PROKR2: variants seen among roughly 807,000 people sequenced by gnomAD.
PROKR2 encodes the protein G protein-coupled receptor 73-like 1.
Under a neutral mutation model 23.4 loss-of-function variants are expected in PROKR2, and 26 were observed. The ratio of observed to expected loss-of-function variants is 1.11; its 90% CI spans 0.81 to 1.54. The LOEUF (loss-of-function observed/expected upper bound fraction) is 1.54. Among genes scored for constraint, PROKR2 ranks in the 40% most tolerant of loss-of-function variants. The probability of loss-of-function intolerance (pLI) is 0.00; values close to 1 mark genes in which losing one functional copy is unlikely to be tolerated. For synonymous variants in PROKR2, 212 were observed against 201.2 expected, an observed-to-expected ratio of 1.05 and a Z score of -0.45; for missense variants, 453 against 511.5, an observed-to-expected ratio of 0.89 and a Z score of 1.10.
rs552712310 is a variant in PROKR2, at chr20:5,299,324, C to G, written c.*2716G>C. Among the ~76,000 whole-genome samples, 1 of 151,986 alleles carries G rather than the reference C, an allele frequency of 6.6e-6. No individual in the cohort carries two copies. The highest frequency in any genetic ancestry group is 2.4e-5 in the African/African-American group (1 of 41,388). On this transcript the variant is annotated 3_prime_UTR_variant, in exon 3 of 3. Transcript: ENST00000678254. ...TACAAAAGTTTTTTCAGTTAAATTT[C>G]AATGAAAGGAAGTTGGTATATTCTA...
Position 5,301,945 on chromosome 20 carries a change from CAG to C in PROKR2, c.*93_*94del. On this transcript the variant is annotated 3_prime_UTR_variant, in exon 3 of 3. Transcript: ENST00000678254. Reference sequence around the variant, plus strand: ...TGAGGGCACGGGGGAGGCATGAACACAGATGTCATTTCCCATGCAGCCTATGA... The same window carrying C: ...TGAGGGCACGGGGGAGGCATGAACACATGTCATTTCCCATGCAGCCTATGA... 8.6e-7 allele frequency: 1 copy of C among 1,167,392 alleles called. No individual in the cohort carries two copies. Among genetic ancestry groups the C allele is most frequent in the Admixed American group, 2.0e-5 (1 of 51,052 alleles). The allele number at this position is 1,167,392 out of a possible 1,614,324, so 72.3% of individuals were successfully genotyped here.
At chr20:5,303,734 T>C (rs10485485) in intron 2 of PROKR2, among the ~76,000 whole-genome samples, 16,228 of 151,992 alleles carry the variant, frequency 0.11, 958 homozygotes, top group Non-Finnish European at 0.12. Flanking sequence ...ATATGGTAGA[T>C]GAAGATAAGA....
chr20:5,306,662 A>G (rs1223113369), intron 2 of PROKR2, among the ~76,000 whole-genome samples: 2 of 152,248 alleles, frequency 1.3e-5, no homozygotes, highest in African/African-American at 2.4e-5. Flanking sequence ...TGATATGCCT[A>G]TTAATGTGAT....
Position 5,302,392 on chromosome 20 carries a change from C to T in PROKR2, c.803G>A (p.Arg268His), listed in dbSNP as rs781065670. 7.6e-5 allele frequency: 123 copies of T among 1,614,096 alleles called. No individual in the cohort carries two copies. Among genetic ancestry groups the T allele is most frequent in the South Asian group, 3.1e-4 (28 of 91,084 alleles). The change falls in exon 3 of 3, where the codon CGC (arginine) becomes CAC (histidine). Residue 268 changes from arginine (R) to histidine (H), a missense_variant. Transcript: ENST00000678254. ...CACCAGGACCGTCTTCCTGCGGCAG[C>T]GCAGCCGCTTGCGAATCTGCTCCGT... is the stretch of plus-strand genomic sequence containing the variant. ...FQTEQIRKRL[R>H]CRRKTVLVLM...
At chr20:5,305,615 C>A (rs994714512) in intron 2 of PROKR2, among the ~76,000 whole-genome samples, 1 of 152,018 alleles carries the variant, frequency 6.6e-6, no homozygotes, top group Non-Finnish European at 1.5e-5. Context: ...CACAAATAAA[C>A]AAGGCAAAGC....
Position 5,314,143 on chromosome 20 carries a change from G to A in PROKR2, c.227C>T (p.Ala76Val). The change falls in exon 2 of 3, where the codon GCT (alanine) becomes GTT (valine). Residue 76 changes from alanine (A) to valine (V), a missense_variant. Coordinates refer to ENST00000678254, the MANE Select transcript of PROKR2 (RefSeq NM_144773.4). ...CAACTTCTTATAGCGGGTGAGGGCAGCGATAAAGACAAAGTTACCGATGCC... is the reference window on the plus strand; with the variant it reads ...CAACTTCTTATAGCGGGTGAGGGCAACGATAAAGACAAAGTTACCGATGCC... ...VCGIGNFVFI[A>V]ALTRYKKLRN... 1 of 1,614,128 alleles carries A rather than the reference G, an allele frequency of 6.2e-7. No homozygotes were observed. Among genetic ancestry groups the A allele is most frequent in the Non-Finnish European group, 8.5e-7 (1 of 1,179,968 alleles).
chr20:5,300,059 T>C lies in PROKR2; in HGVS notation c.*1981A>G, dbSNP rs1404269753. ...AACAATCAAACAAGCAAACAATTAA[T>C]TCCTTGTCTATAAAAAATTAGGAAT... On this transcript the variant is annotated 3_prime_UTR_variant, in exon 3 of 3. Transcript: ENST00000678254. Among the ~76,000 whole-genome samples, 1 of 152,202 alleles carries C rather than the reference T, an allele frequency of 6.6e-6. No homozygotes were observed. The highest frequency in any genetic ancestry group is 2.4e-5 in the African/African-American group (1 of 41,444).
Position 5,302,275 on chromosome 20 carries a change from T to C in PROKR2, c.920A>G (p.Lys307Arg). ...GAAGGCAGTGAGGTAGTGCTTTTCC[T>C]TCACGAACACAGTGGGGAAGAAGTC... Reference protein sequence around the residue: ...VRDFFPTVFVKEKHYLTAFYV... With the variant: ...VRDFFPTVFVREKHYLTAFYV... The change falls in exon 3 of 3, where the codon AAG (lysine) becomes AGG (arginine). Residue 307 changes from lysine to arginine, a missense_variant. Transcript: ENST00000678254. 1 of 1,614,224 alleles carries C rather than the reference T, an allele frequency of 6.2e-7. No homozygotes were observed. The highest frequency in any genetic ancestry group is 1.1e-5 in the South Asian group (1 of 91,082).
At chr20:5,313,773 C>T (rs1287439575) in intron 2 of PROKR2, 139 bp downstream of exon 2, 16 of 769,410 alleles carry the variant, frequency 2.1e-5, no homozygotes, top group Non-Finnish European at 3.3e-5. Context: ...CAGAACTCAA[C>T]TGGAGAAACA....
At chr20:5,315,236 A>G (rs1979618143) in intron 1 of PROKR2, among the ~76,000 whole-genome samples, 1 of 151,992 alleles carries the variant, frequency 6.6e-6, no homozygotes. Flanking sequence ...CCAGCTCCAG[A>G]AAGAAATCCT....
chr20:5,314,143 G>T lies in PROKR2; in HGVS notation c.227C>A (p.Ala76Asp). 6.2e-7 allele frequency: 1 copy of T among 1,614,128 alleles called. No individual in the cohort carries two copies. Reference sequence around the variant, plus strand: ...CAACTTCTTATAGCGGGTGAGGGCAGCGATAAAGACAAAGTTACCGATGCC... The same window carrying T: ...CAACTTCTTATAGCGGGTGAGGGCATCGATAAAGACAAAGTTACCGATGCC... ...VCGIGNFVFIAALTRYKKLRN... is the reference protein window; with the variant it reads ...VCGIGNFVFIDALTRYKKLRN... Residue 76 changes from alanine (A) to aspartate (D), a missense_variant, in exon 2 of 3, where the codon GCT becomes GAT. By Grantham distance (126) the Ala-to-Asp change is moderately radical. Transcript: ENST00000678254.
In PROKR2 at chr20:5,300,724, G is replaced by A. The variant is rs1403463218; in HGVS notation, c.*1316C>T. Among the ~76,000 whole-genome samples, 1 of 152,202 alleles carries A rather than the reference G, an allele frequency of 6.6e-6. No homozygotes were observed. The highest frequency in any genetic ancestry group is 2.4e-5 in the African/African-American group (1 of 41,442). On this transcript the variant is annotated 3_prime_UTR_variant, in exon 3 of 3. Coordinates refer to ENST00000678254, the MANE Select transcript of PROKR2 (RefSeq NM_144773.4). ...CTGAACCCAGGTCTTTGGATTCTAG[G>A]TAGAGTTCCTTTTGTAAAAGAGGGA...
At chr20:5,312,990 A>AT (rs1230967100) in intron 2 of PROKR2, among the ~76,000 whole-genome samples, 1 of 152,258 alleles carries the variant, frequency 6.6e-6, no homozygotes, top group African/African-American at 2.4e-5. Flanking sequence ...TAATTTCCAA[A>AT]TAGCCAGAAG....
chr20:5,306,637 G>C (rs1384522983), intron 2 of PROKR2, among the ~76,000 whole-genome samples: 1 of 152,202 alleles, frequency 6.6e-6, no homozygotes, highest in Non-Finnish European at 1.5e-5. Flanking sequence ...CTGTAATTGA[G>C]GTATTGACTG....
rs554410997 is a variant in PROKR2 at position 5,311,626 on chromosome 20, G to C, written c.458+2286C>G. Among the ~76,000 whole-genome samples, 3 of 152,364 alleles carry C rather than the reference G, an allele frequency of 2.0e-5. No individual in the cohort carries two copies. In the East Asian group the frequency reaches 5.8e-4, roughly 29 times the overall value. Reference sequence around the variant, plus strand: ...GTATTGATCCTGGGTGTGTCTGTGAGGGCATTGCCAAAGGAGATTAACATT... The same window carrying C: ...GTATTGATCCTGGGTGTGTCTGTGACGGCATTGCCAAAGGAGATTAACATT... On this transcript the variant is annotated intron_variant, in intron 2 of 2. Coordinates refer to ENST00000678254, the MANE Select transcript of PROKR2 (RefSeq NM_144773.4).
At chr20:5,312,237 G>T (rs943251389) in intron 2 of PROKR2, among the ~76,000 whole-genome samples, 3 of 152,154 alleles carry the variant, frequency 2.0e-5, no homozygotes, top group Admixed American at 2.0e-4. Flanking sequence ...CTCCCAAGTA[G>T]CTGGGATTAC....
At chr20:5,303,840 G>A (rs753240161) in intron 2 of PROKR2, among the ~76,000 whole-genome samples, 9 of 152,094 alleles carry the variant, frequency 5.9e-5, no homozygotes, top group Non-Finnish European at 8.8e-5. Flanking sequence ...GCAGGATGCC[G>A]CCTGCTGGTA....
intron 2 of PROKR2, among the ~76,000 whole-genome samples, chr20:5,311,889 C>A (rs1979457562): frequency 6.6e-6 from 1 of 152,296 alleles, no homozygotes; most frequent in South Asian, 2.1e-4. Flanking sequence ...CTGCATATGG[C>A]CTATTGTGGG....
At chr20:5,306,846 C>A (rs1289033941) in intron 2 of PROKR2, among the ~76,000 whole-genome samples, 1 of 152,190 alleles carries the variant, frequency 6.6e-6, no homozygotes, top group African/African-American at 2.4e-5. Context: ...TTTGAGCCTG[C>A]CCAAAGGCCA....
Sources: gnomAD v4.1 joint callset for allele counts (sites outside exome capture counted in the v4.1 genomes callset) on GRCh38, gnomAD v4.1.1 for gene constraint, MANE v1.5 for transcripts, NCBI Gene and HGNC (gene_info 2026-07-23, HGNC 2026-07-21) for gene names.